ENOX1: variants seen among roughly 807,000 people sequenced by gnomAD.
ENOX1 encodes the protein ecto-NOX disulfide-thiol exchanger 1, also known as candidate growth-related and time keeping constitutive hydroquinone (NADH) oxidase.
Under a neutral mutation model 82.5 loss-of-function variants are expected in ENOX1, and 42 were observed. That is an observed-to-expected ratio of 0.51 (90% confidence interval 0.40 to 0.66). The LOEUF (loss-of-function observed/expected upper bound fraction) is 0.66. Ranked by LOEUF, ENOX1 falls within the 30% of genes least tolerant of loss-of-function variation. ENOX1 has a pLI of 0.00. For synonymous variants in ENOX1, 271 were observed against 282.2 expected (o/e 0.96, Z 0.40); for missense variants, 608 against 811.6 (o/e 0.75, Z 3.05).
chr13:43,779,805 T>G (rs1468703058), intron 1 of ENOX1, among the ~76,000 whole-genome samples: 2 of 152,160 alleles, frequency 1.3e-5, no homozygotes, highest in Non-Finnish European at 2.9e-5. Context: ...ACACATTGAA[T>G]CTGTGCACTT....
chr13:43,386,550 C>T (rs1415757203), intron 5 of ENOX1, among the ~76,000 whole-genome samples: 1 of 152,170 alleles, frequency 6.6e-6, no homozygotes, highest in East Asian at 1.9e-4. Flanking sequence ...TTCAGTGTAT[C>T]TGTAAGTGAA....
chr13:43,524,735 C>T (rs1267336861), intron 2 of ENOX1, among the ~76,000 whole-genome samples: 1 of 152,078 alleles, frequency 6.6e-6, no homozygotes, highest in Non-Finnish European at 1.5e-5. Flanking sequence ...GCTTCAATAT[C>T]ACTGCTTCAG....
At chr13:43,278,883 A>G (rs1050998392) in intron 12 of ENOX1, among the ~76,000 whole-genome samples, 1 of 152,212 alleles carries the variant, frequency 6.6e-6, no homozygotes, top group East Asian at 1.9e-4. Flanking sequence ...AAAGAAAAAA[A>G]TTTTAGTCTG....
At chr13:43,739,166 T>A (rs537520658) in intron 1 of ENOX1, among the ~76,000 whole-genome samples, 1 of 152,326 alleles carries the variant, frequency 6.6e-6, no homozygotes, top group East Asian at 1.9e-4. Flanking sequence ...TGTACCGGCA[T>A]TTTTCTAAGT....
At chr13:43,447,790 A>G (rs4245321) in intron 3 of ENOX1, among the ~76,000 whole-genome samples, 22,708 of 152,166 alleles carry the variant, frequency 0.15, 2,268 homozygotes, top group East Asian at 0.5. Context: ...TGTTGAAGCT[A>G]TCAGAAATGT....
intron 1 of ENOX1, among the ~76,000 whole-genome samples, chr13:43,769,483 G>A (rs1387204484): frequency 6.6e-6 from 1 of 152,140 alleles, no homozygotes; most frequent in African/African-American, 2.4e-5. Flanking sequence ...AGAGCAGAGA[G>A]TAAGTGCATA....
At chr13:43,700,333 T>C (rs2153808330) in intron 1 of ENOX1, among the ~76,000 whole-genome samples, 1 of 152,306 alleles carries the variant, frequency 6.6e-6, no homozygotes, top group South Asian at 2.1e-4. Flanking sequence ...CGAGATTGTT[T>C]ACATCATGAC....
intron 3 of ENOX1, among the ~76,000 whole-genome samples, chr13:43,415,692 A>G (rs2153601438): frequency 6.6e-6 from 1 of 151,116 alleles, no homozygotes; most frequent in East Asian, 2.0e-4. Context: ...TCTTTTCCTC[A>G]CATTTCCCCC....
intron 11 of ENOX1, among the ~76,000 whole-genome samples, chr13:43,316,408 T>C (rs1405594067): frequency 6.6e-6 from 1 of 152,086 alleles, no homozygotes; most frequent in Non-Finnish European, 1.5e-5. Context: ...TTTGTGCACA[T>C]ATGAGAGAGA....
chr13:43,446,848 C>T (rs2056676998), intron 3 of ENOX1, among the ~76,000 whole-genome samples: 6 of 152,230 alleles, frequency 3.9e-5, no homozygotes, highest in Admixed American at 3.9e-4. Flanking sequence ...TACTCTTTGA[C>T]TAAAGTTTAG....
chr13:43,616,204 A>ATATATATATTTTT (rs1457149422), intron 2 of ENOX1, among the ~76,000 whole-genome samples: 2 of 15,316 alleles, frequency 1.3e-4, no homozygotes, highest in Non-Finnish European at 2.1e-4. Flanking sequence ...ATATATATAT[A>ATATATATATTTTT]TTTTTTTTTT....
At chr13:43,623,063 A>C (rs1397342225) in intron 2 of ENOX1, among the ~76,000 whole-genome samples, 1 of 152,026 alleles carries the variant, frequency 6.6e-6, no homozygotes, top group Non-Finnish European at 1.5e-5. Context: ...CACAGGCCTT[A>C]CCCAGCTCCC....
intron 1 of ENOX1, among the ~76,000 whole-genome samples, chr13:43,766,932 T>C (rs1951311728): frequency 6.7e-6 from 1 of 149,686 alleles, no homozygotes; most frequent in Non-Finnish European, 1.5e-5. Context: ...AGATTCACGC[T>C]CTCATGGTGC....
At chr13:43,733,698 G>C (rs1287621410) in intron 1 of ENOX1, among the ~76,000 whole-genome samples, 3 of 152,128 alleles carry the variant, frequency 2.0e-5, no homozygotes, top group African/African-American at 7.2e-5. Context: ...ATAAAAAAAA[G>C]CTTGAGTTAT....
intron 2 of ENOX1, among the ~76,000 whole-genome samples, chr13:43,522,198 T>C (rs1226721881): frequency 6.6e-6 from 1 of 152,050 alleles, no homozygotes; most frequent in African/African-American, 2.4e-5. Flanking sequence ...ATTCAGATAA[T>C]TCAATATTTT....
intron 12 of ENOX1, among the ~76,000 whole-genome samples, chr13:43,275,613 C>A (rs1326596816): frequency 6.6e-6 from 1 of 152,012 alleles, no homozygotes; most frequent in Admixed American, 6.6e-5. Context: ...CACACAATTT[C>A]TTTTCTTCTT....
At chr13:43,341,717 CTGTA>C (rs1375536845) in intron 9 of ENOX1, among the ~76,000 whole-genome samples, 1 of 152,180 alleles carries the variant, frequency 6.6e-6, no homozygotes, top group Non-Finnish European at 1.5e-5. Flanking sequence ...GGGAAGCACT[CTGTA>C]TGGCAAAAAC....
At chr13:43,318,868 G>A (rs9533456) in intron 11 of ENOX1, among the ~76,000 whole-genome samples, 35,593 of 151,990 alleles carry the variant, frequency 0.23, 4,645 homozygotes, top group South Asian at 0.34. Context: ...AAAACGTATC[G>A]GGTTTTGCCA....
In ENOX1 at chr13:43,631,258, T is replaced by C. The variant is rs567928828; in HGVS notation, c.-219+36221A>G. On this transcript the variant is annotated intron_variant, in intron 2 of 16. Coordinates refer to ENST00000690772, the MANE Select transcript of ENOX1 (RefSeq NM_001347969.2). ...AGAATTTGGATTACTGAATTGCAGCTACTAGCTGCACTAGGCTCCCTCCCA... is the reference window on the plus strand; with the variant it reads ...AGAATTTGGATTACTGAATTGCAGCCACTAGCTGCACTAGGCTCCCTCCCA... Among the ~76,000 whole-genome samples, 15 of 152,318 alleles carry C rather than the reference T, an allele frequency of 9.8e-5. No homozygotes were observed. In the East Asian group the frequency reaches 2.5e-3, roughly 25 times the overall value.
Sources: allele counts gnomAD v4.1 joint callset (sites outside exome capture counted in the v4.1 genomes callset), GRCh38; gene constraint gnomAD v4.1.1; transcripts MANE v1.5; gene names NCBI Gene and HGNC (gene_info 2026-07-23, HGNC 2026-07-21).